Variants in TM4SF4 observed in about 807,000 individuals in gnomAD.
The protein encoded by TM4SF4 is transmembrane 4 L6 family member 4.
Under a neutral mutation model 24.1 loss-of-function variants are expected in TM4SF4, and 24 were observed. The ratio of observed to expected loss-of-function variants is 1.00; its 90% CI spans 0.72 to 1.40. TM4SF4 has a LOEUF of 1.40. TM4SF4 is among the 40% of genes most tolerant of loss of function. The pLI is 0.00. For synonymous variants in TM4SF4, 113 were observed against 97.0 expected (o/e 1.17, Z -0.97); for missense variants, 254 against 254.2 (o/e 1.00, Z 0.01).
Position 149,486,576 on chromosome 3 carries a change from A to G in TM4SF4, c.265-1043A>G, listed in dbSNP as rs562340779. Among the ~76,000 whole-genome samples the G allele has an allele frequency of 6.2e-4, 94 of 152,362 alleles. 1 individual carries two copies. Among genetic ancestry groups the G allele is most frequent in the African/African-American group, 2.2e-3 (93 of 41,586 alleles). ...GAGGGAGTTAACCTAGCTGGGTTCCAGGATTGCTTCTGCCTTTTGCAGTCA... is the reference window on the plus strand; with the variant it reads ...GAGGGAGTTAACCTAGCTGGGTTCCGGGATTGCTTCTGCCTTTTGCAGTCA... On this transcript the variant is annotated intron_variant, in intron 2 of 4. Transcript: ENST00000305354.
intron 2 of TM4SF4, among the ~76,000 whole-genome samples, chr3:149,483,515 G>A (rs556872819): frequency 4.1e-5 from 6 of 147,624 alleles, no homozygotes; most frequent in African/African-American, 1.5e-4. Flanking sequence ...TTCTTACAAG[G>A]AGTCACAGGA....
intron 2 of TM4SF4, among the ~76,000 whole-genome samples, chr3:149,479,351 TTTTTC>T (rs1193602556): frequency 6.8e-5 from 10 of 147,184 alleles, no homozygotes; most frequent in African/African-American, 2.5e-4. Context: ...TAATCATTTC[TTTTTC>T]TTTTCTTTTC....
At chr3:149,502,574 A>G in intron 4 of TM4SF4, 102 bp from the exon 5 acceptor site, 1 of 826,970 alleles carries the variant, frequency 1.2e-6, no homozygotes, top group Non-Finnish European at 2.2e-6. Flanking sequence ...GCAACCATTA[A>G]GAGCCAGGAG....
chr3:149,477,653 A>G (rs1733956016), intron 2 of TM4SF4, among the ~76,000 whole-genome samples: 1 of 152,250 alleles, frequency 6.6e-6, no homozygotes, highest in South Asian at 2.1e-4. Context: ...CCAAAAAAGT[A>G]TTGATGATTG....
chr3:149,482,051 C>T (rs1734041728), intron 2 of TM4SF4, among the ~76,000 whole-genome samples: 1 of 152,154 alleles, frequency 6.6e-6, no homozygotes, highest in Admixed American at 6.5e-5. Context: ...TTCTAGGTGT[C>T]CTATCAGTGA....
chr3:149,488,973 G>A (rs1458627997), intron 3 of TM4SF4, among the ~76,000 whole-genome samples: 1 of 152,214 alleles, frequency 6.6e-6, no homozygotes, highest in African/African-American at 2.4e-5. Flanking sequence ...GGCTGGGGAA[G>A]TGAAGGGGCC....
At chr3:149,482,886 T>C (rs1576518210) in intron 2 of TM4SF4, among the ~76,000 whole-genome samples, 2 of 152,228 alleles carry the variant, frequency 1.3e-5, no homozygotes, top group African/African-American at 2.4e-5. Context: ...CCATGATAAA[T>C]TGAAGTTATT....
chr3:149,476,751 A>T (rs1332449311), intron 2 of TM4SF4, among the ~76,000 whole-genome samples: 1 of 150,026 alleles, frequency 6.7e-6, no homozygotes. Context: ...CAAGAAAAAG[A>T]TCTTATTTTG....
At chr3:149,492,616 G>A (rs973028602) in intron 3 of TM4SF4, among the ~76,000 whole-genome samples, 2 of 151,922 alleles carry the variant, frequency 1.3e-5, no homozygotes, top group Admixed American at 6.6e-5. Context: ...AGGGAGGGAC[G>A]GGGCTATGCA....
chr3:149,489,939 T>A (rs140684719), intron 3 of TM4SF4, among the ~76,000 whole-genome samples: 1 of 152,288 alleles, frequency 6.6e-6, no homozygotes, highest in East Asian at 1.9e-4. Context: ...GGAGAATGAT[T>A]TGAACACCGA....
At position 149,474,890 on chromosome 3, in the gene TM4SF4, G is replaced by A. The variant is rs1733896486; in HGVS notation, c.13G>A (p.Gly5Ser). MCTG[G>S]CARCLGGTLI... is the part of the protein sequence containing the mutation. ...GTACCACCCCAGAATGTGCACTGGG[G>A]GCTGTGCCAGATGCCTGGGGGGGAC... The change falls in exon 1 of 5, where the codon GGC (glycine) becomes AGC (serine). Residue 5 changes from glycine (G) to serine (S), a missense_variant. Physicochemically the swap from Gly to Ser is moderately conservative, Grantham distance 56 (BLOSUM62 0). Transcript: ENST00000305354. The A allele has an allele frequency of 6.2e-7, 1 of 1,613,518 alleles. No homozygotes were observed. The highest frequency in any genetic ancestry group is 1.7e-5 in the Admixed American group (1 of 59,866).
At position 149,502,747 on chromosome 3, in the gene TM4SF4, C is replaced by T. The variant is rs1169386031; in HGVS notation, c.*54C>T. ...CAGCATGACGACTACAATTTCTTTT[C>T]ATAAAACTTCTTCTCTTCTTGGAAT... On this transcript the variant is annotated 3_prime_UTR_variant, in exon 5 of 5. Coordinates refer to ENST00000305354, the MANE Select transcript of TM4SF4 (RefSeq NM_004617.4). 2 of 1,344,538 alleles carry T rather than the reference C, an allele frequency of 1.5e-6. No homozygotes were observed. Among genetic ancestry groups the T allele is most frequent in the Admixed American group, 1.7e-5 (1 of 57,624 alleles). 83.3% of individuals were successfully genotyped at this position (1,344,538 alleles called of 1,614,324 possible). A position where few individuals can be genotyped will look rare whatever the true frequency, so the allele number is the denominator to read the frequency against.
intron 3 of TM4SF4, among the ~76,000 whole-genome samples, chr3:149,490,686 C>G (rs540242112): frequency 6.6e-6 from 1 of 152,176 alleles, no homozygotes; most frequent in Non-Finnish European, 1.5e-5. Flanking sequence ...CAGTACTATA[C>G]TGGTATCTGA....
At position 149,487,665 on chromosome 3, in the gene TM4SF4, G is replaced by T; in HGVS notation, c.311G>T (p.Gly104Val). Residue 104 changes from glycine (G) to valine (V), a missense_variant, in exon 3 of 5, where the codon GGA becomes GTA. Gly to Val is a moderately radical substitution (Grantham distance 109). Transcript: ENST00000305354. Reference protein sequence around the residue: ...IFAVVGFLGAGYSFIISAISI... With the variant: ...IFAVVGFLGAVYSFIISAISI... ...GCTGTGGTTGGATTCTTGGGAGCTG[G>T]ATACTCGTTTATCATCTCAGCCATT... 6.2e-7 allele frequency: 1 copy of T among 1,613,976 alleles called. No homozygotes were observed. The highest frequency in any genetic ancestry group is 1.1e-5 in the South Asian group (1 of 91,072).
intron 3 of TM4SF4, among the ~76,000 whole-genome samples, chr3:149,489,063 A>G (rs1734167097): frequency 6.6e-6 from 1 of 152,204 alleles, no homozygotes; most frequent in Non-Finnish European, 1.5e-5. Flanking sequence ...TAGTTAAGCA[A>G]TACAAGGTCT....
chr3:149,491,074 A>G (rs1251875829), intron 3 of TM4SF4, among the ~76,000 whole-genome samples: 1 of 151,924 alleles, frequency 6.6e-6, no homozygotes, highest in African/African-American at 2.4e-5. Context: ...AAGAATTTTT[A>G]TCCCTGAAGG....
chr3:149,485,772 G>A (rs1734104664), intron 2 of TM4SF4, among the ~76,000 whole-genome samples: 1 of 151,772 alleles, frequency 6.6e-6, no homozygotes, highest in Non-Finnish European at 1.5e-5. Context: ...CAGCCTGGGT[G>A]ACAGGGCAAG....
rs1230122349 is a variant in TM4SF4 at position 149,487,566 on chromosome 3, T to G, written c.265-53T>G. 5 of 1,608,634 alleles carry G rather than the reference T, an allele frequency of 3.1e-6. No individual in the cohort carries two copies. In the African/African-American group the frequency reaches 6.7e-5, roughly 21 times the overall value. On this transcript the variant is annotated intron_variant, in intron 2 of 4. Transcript: ENST00000305354. ...CAGCAGGTGGATTAGGTTTGTTGAG[T>G]GTATCCTCTGGACCACCTGGAGAAT...
chr3:149,478,346 T>C (rs946426711), intron 2 of TM4SF4, among the ~76,000 whole-genome samples: 4 of 152,174 alleles, frequency 2.6e-5, no homozygotes, highest in Non-Finnish European at 5.9e-5. Flanking sequence ...TGTTTCTCCA[T>C]GTTAGCCAGG....
Sources: allele counts gnomAD v4.1 joint callset (sites outside exome capture counted in the v4.1 genomes callset), GRCh38; gene constraint gnomAD v4.1.1; transcripts MANE v1.5; gene names NCBI Gene and HGNC (gene_info 2026-07-23, HGNC 2026-07-21).